Variants in VDAC1 observed in about 807,000 individuals in gnomAD.
VDAC1 encodes non-selective voltage-gated ion channel VDAC1.
In VDAC1, 10 loss-of-function variants were observed where a neutral mutation model predicts 34.7. The ratio of observed to expected loss-of-function variants is 0.29; its 90% CI spans 0.18 to 0.49. VDAC1 has a LOEUF of 0.49. VDAC1 is among the 20% of genes least tolerant of loss of function. The pLI is 0.99. For missense variants in VDAC1, 230 were observed against 347.9 expected, an observed-to-expected ratio of 0.66 and a Z score of 2.69; for synonymous variants, 130 against 136.0, an observed-to-expected ratio of 0.96 and a Z score of 0.30.
intron 5 of VDAC1, among the ~76,000 whole-genome samples, chr5:133,983,604 G>A (rs1031182213): frequency 1.3e-5 from 2 of 152,056 alleles, no homozygotes; most frequent in African/African-American, 4.8e-5. Flanking sequence ...GAATTTTAGA[G>A]GTCACAGCTG....
In VDAC1 at chr5:133,980,947, AT is replaced by A. The variant is rs772852563; in HGVS notation, c.332del (p.Asn111MetfsTer34). ...SSFSPNTGKK[N>X]AKIKTGYKRE... ...GCTTGTACCCTGTCTTGATTTTAGC[AT>A]TTTTTTTCCTGAAGGAAAATAAGTT... On this transcript the variant is annotated frameshift_variant, in exon 6 of 9. Transcript: ENST00000265333. LOFTEE classifies it high-confidence loss of function. 2.5e-6 allele frequency: 4 copies of A among 1,611,340 alleles called. No homozygotes were observed. The highest frequency in any genetic ancestry group is 3.4e-6 in the Non-Finnish European group (4 of 1,178,942).
chr5:134,083,509 T>C, the VDAC1 span, among the ~76,000 whole-genome samples: 1 of 152,202 alleles, frequency 6.6e-6, no homozygotes, highest in African/African-American at 2.4e-5. Flanking sequence ...CTTTTAAATG[T>C]CGCATTATCC....
the VDAC1 span, among the ~76,000 whole-genome samples, chr5:134,104,115 G>A: frequency 3.3e-5 from 5 of 151,942 alleles, no homozygotes; most frequent in African/African-American, 9.7e-5. Flanking sequence ...TGCTGCAAAT[G>A]AGGAAACCCC....
At chr5:134,033,369 G>A in the VDAC1 span, among the ~76,000 whole-genome samples, 2 of 151,590 alleles carry the variant, frequency 1.3e-5, no homozygotes, top group African/African-American at 4.8e-5. Context: ...CGTTGGCCAG[G>A]ATGGTCTCGA....
intron 1 of VDAC1, among the ~76,000 whole-genome samples, chr5:133,999,741 T>C (rs1204535041): frequency 6.6e-6 from 1 of 152,124 alleles, no homozygotes; most frequent in Non-Finnish European, 1.5e-5. Context: ...GCTTTGCAAA[T>C]GATGTCTTCA....
At chr5:134,023,753 T>C in the VDAC1 span, among the ~76,000 whole-genome samples, 1 of 152,094 alleles carries the variant, frequency 6.6e-6, no homozygotes, top group African/African-American at 2.4e-5. Flanking sequence ...ATGGCAAGTG[T>C]TGATAAGGCA....
the VDAC1 span, among the ~76,000 whole-genome samples, chr5:134,080,406 G>A: frequency 6.6e-6 from 1 of 150,920 alleles, no homozygotes; most frequent in Non-Finnish European, 1.5e-5. Flanking sequence ...GTGGGACCTG[G>A]GGCAGAGCCC....
chr5:134,082,803 G>A, the VDAC1 span, among the ~76,000 whole-genome samples: 1 of 152,106 alleles, frequency 6.6e-6, no homozygotes, highest in Non-Finnish European at 1.5e-5. Context: ...GTTTTAATCT[G>A]CATTTCCCTG....
the VDAC1 span, among the ~76,000 whole-genome samples, chr5:134,025,701 C>T: frequency 2.0e-5 from 3 of 152,132 alleles, no homozygotes; most frequent in Non-Finnish European, 1.5e-5. Flanking sequence ...GCAATCCTCC[C>T]ACCTCAGCCT....
At chr5:134,046,481 T>C in the VDAC1 span, among the ~76,000 whole-genome samples, 3 of 152,198 alleles carry the variant, frequency 2.0e-5, no homozygotes, top group African/African-American at 7.2e-5. Context: ...CTAAGATTCT[T>C]AATGTATTCA....
In VDAC1 at chr5:133,991,032, T is replaced by G; in HGVS notation, c.240A>C (p.Thr80=). ...TFTEKWNTDN[T]LGTEITVEDQ... ...CTTCCACAGTAATCTCGGTGCCTAG[T>G]GTATTGTCGGTATTCCATTTCTCTG... is the stretch of plus-strand genomic sequence containing the variant. Residue 80 remains threonine, a synonymous_variant, in exon 4 of 9, where the codon ACA becomes ACC. Transcript: ENST00000265333. 6.2e-7 allele frequency: 1 copy of G among 1,614,140 alleles called. No individual in the cohort carries two copies. Among genetic ancestry groups the G allele is most frequent in the African/African-American group, 1.3e-5 (1 of 75,020 alleles).
At chr5:134,027,583 C>A in the VDAC1 span, among the ~76,000 whole-genome samples, 1 of 152,062 alleles carries the variant, frequency 6.6e-6, no homozygotes, top group Non-Finnish European at 1.5e-5. Context: ...ATTGGAAAAG[C>A]CTCTGAAAAG....
chr5:134,015,570 G>T, the VDAC1 span, among the ~76,000 whole-genome samples: 2 of 152,168 alleles, frequency 1.3e-5, no homozygotes, highest in South Asian at 4.1e-4. Context: ...AGGTTGTAAG[G>T]AGCACCTGTA....
the VDAC1 span, among the ~76,000 whole-genome samples, chr5:134,112,859 C>T: frequency 6.6e-6 from 1 of 152,200 alleles, no homozygotes; most frequent in Non-Finnish European, 1.5e-5. Context: ...CTGGAGAACA[C>T]TTCAGCCTCC....
chr5:134,089,428 C>T, the VDAC1 span, among the ~76,000 whole-genome samples: 1 of 152,184 alleles, frequency 6.6e-6, no homozygotes, highest in Non-Finnish European at 1.5e-5. Flanking sequence ...CAATGTGGTT[C>T]CCATTTGAAG....
chr5:133,995,497 C>CA (rs1210740786), intron 1 of VDAC1, among the ~76,000 whole-genome samples: 1 of 152,126 alleles, frequency 6.6e-6, no homozygotes, highest in East Asian at 1.9e-4. Flanking sequence ...AAGGAAGACT[C>CA]ACAGAAACCA....
the VDAC1 span, among the ~76,000 whole-genome samples, chr5:134,062,592 A>G: frequency 7.3e-5 from 11 of 150,570 alleles, no homozygotes; most frequent in Non-Finnish European, 1.6e-4. Flanking sequence ...TTCTTTTCCA[A>G]TTTTCTGAAA....
At chr5:134,080,584 C>T in the VDAC1 span, among the ~76,000 whole-genome samples, 18 of 152,276 alleles carry the variant, frequency 1.2e-4, no homozygotes, top group African/African-American at 3.6e-4. Flanking sequence ...GGTTAAGTCG[C>T]GGAGGTACAG....
chr5:134,068,028 G>A, the VDAC1 span, among the ~76,000 whole-genome samples: 8 of 152,136 alleles, frequency 5.3e-5, no homozygotes, highest in African/African-American at 1.9e-4. Flanking sequence ...TGAGGCAGGA[G>A]AGTCACTTGG....
Sources: allele counts gnomAD v4.1 joint callset (sites outside exome capture counted in the v4.1 genomes callset), GRCh38; gene constraint gnomAD v4.1.1; transcripts MANE v1.5; gene names NCBI Gene and HGNC (gene_info 2026-07-23, HGNC 2026-07-21).